Variants in RPS6KA2 observed in about 807,000 individuals in gnomAD.
RPS6KA2 encodes ribosomal protein S6 kinase A2, also known as ribosomal protein S6 kinase alpha-2.
A neutral mutation model predicts 91.8 loss-of-function variants in RPS6KA2; 42 were observed. That is an observed-to-expected ratio of 0.46 (90% CI 0.36 to 0.59). The LOEUF (loss-of-function observed/expected upper bound fraction) is 0.59, where lower values mean the gene tolerates loss of function less well. RPS6KA2 is among the 20% of genes least tolerant of loss of function. The probability of loss-of-function intolerance (pLI) is 0.00; values close to 1 mark genes in which losing one functional copy is unlikely to be tolerated. For synonymous variants in RPS6KA2, 414 were observed against 393.6 expected, an observed-to-expected ratio of 1.05 and a Z score of -0.61; for missense variants, 798 against 978.5, an observed-to-expected ratio of 0.82 and a Z score of 2.46.
intron 1 of RPS6KA2, among the ~76,000 whole-genome samples, chr6:166,591,102 T>A (rs1363196144): frequency 6.6e-6 from 1 of 152,184 alleles, no homozygotes; most frequent in African/African-American, 2.4e-5. Flanking sequence ...TCACTGAGCA[T>A]CAGGTACAAA....
At chr6:166,695,149 C>T (rs925032365) in intron 2 of RPS6KA2, among the ~76,000 whole-genome samples, 1 of 152,052 alleles carries the variant, frequency 6.6e-6, no homozygotes, top group African/African-American at 2.4e-5. Flanking sequence ...AGTTGCTATG[C>T]GAATGGACTC....
chr6:166,799,674 C>T (rs980823325), intron 2 of RPS6KA2, among the ~76,000 whole-genome samples: 12 of 151,296 alleles, frequency 7.9e-5, no homozygotes, highest in South Asian at 2.1e-4. Context: ...AAGAGTTGTG[C>T]GAGAGTTTTA....
intron 2 of RPS6KA2, among the ~76,000 whole-genome samples, chr6:166,774,385 T>C (rs370393812): frequency 2.6e-5 from 4 of 152,208 alleles, no homozygotes; most frequent in African/African-American, 7.2e-5. Context: ...TTCTAGAAAA[T>C]TGGACACTTT....
rs113984430 is a variant in RPS6KA2 at position 166,495,136 on chromosome 6, G to A, written c.747+3372C>T. On this transcript the variant is annotated intron_variant, in intron 8 of 20. Coordinates refer to ENST00000265678, the MANE Select transcript of RPS6KA2 (RefSeq NM_021135.6). This position sits in a 1 kb window ranked among gnomAD's most constrained non-coding sequence, Gnocchi z 4.4. Reference sequence around the variant, plus strand: ...GGGACTATTATGTGATCTTGAGCCCGACACTTAGGCTCTTTCAGCTTTAGT... The same window carrying A: ...GGGACTATTATGTGATCTTGAGCCCAACACTTAGGCTCTTTCAGCTTTAGT... 5.9e-5 allele frequency among the ~76,000 whole-genome samples: 9 copies of A among 152,206 alleles called. No homozygotes were observed. The highest frequency in any genetic ancestry group is 3.8e-4 in the East Asian group (2 of 5,196).
At chr6:166,736,506 T>G (rs1042427030) in intron 2 of RPS6KA2, among the ~76,000 whole-genome samples, 1 of 152,220 alleles carries the variant, frequency 6.6e-6, no homozygotes, top group African/African-American at 2.4e-5. Flanking sequence ...TTCCTTTTGA[T>G]TTCTCCAGTA....
At chr6:166,577,811 T>G (rs6928829) in intron 1 of RPS6KA2, among the ~76,000 whole-genome samples, 102,652 of 152,042 alleles carry the variant, frequency 0.68, 37,308 homozygotes, top group East Asian at 0.99. Context: ...TGGAGGGGCC[T>G]GGGCGGAATG....
intron 2 of RPS6KA2, among the ~76,000 whole-genome samples, chr6:166,832,693 T>C (rs1258764309): frequency 1.3e-5 from 2 of 152,214 alleles, no homozygotes; most frequent in Non-Finnish European, 2.9e-5. Context: ...AATTGACAGA[T>C]TTATTACTAA....
At chr6:166,790,197 C>G (rs1024019480) in intron 2 of RPS6KA2, among the ~76,000 whole-genome samples, 1 of 152,014 alleles carries the variant, frequency 6.6e-6, no homozygotes, top group African/African-American at 2.4e-5. Flanking sequence ...AGTCAAGGGT[C>G]GAGAATTACG....
intron 1 of RPS6KA2, among the ~76,000 whole-genome samples, chr6:166,611,424 T>C (rs192705275): frequency 1.3e-5 from 2 of 152,360 alleles, no homozygotes; most frequent in East Asian, 3.9e-4. Flanking sequence ...CGACATGACC[T>C]ATCCTGCTCC....
intron 2 of RPS6KA2, among the ~76,000 whole-genome samples, chr6:166,844,938 A>G (rs1036626541): frequency 8.5e-5 from 13 of 152,200 alleles, no homozygotes; most frequent in African/African-American, 3.1e-4. Flanking sequence ...ACATCTCAAC[A>G]CTAACATTGA....
intron 2 of RPS6KA2, among the ~76,000 whole-genome samples, chr6:166,790,044 T>G (rs1158555769): frequency 6.6e-6 from 1 of 152,110 alleles, no homozygotes; most frequent in Non-Finnish European, 1.5e-5. Context: ...GAAGAAGGCT[T>G]TGGACGATCA....
intron 17 of RPS6KA2, among the ~76,000 whole-genome samples, chr6:166,422,816 A>G (rs1463634161): frequency 6.6e-6 from 1 of 152,120 alleles, no homozygotes; most frequent in East Asian, 1.9e-4. Context: ...CGGGGAACCA[A>G]TCTGGAGTGA....
Position 166,563,320 on chromosome 6 carries a change from C to G in RPS6KA2, c.100-24536G>C, listed in dbSNP as rs549652067. Among the ~76,000 whole-genome samples the G allele has an allele frequency of 6.6e-6, 1 of 152,190 alleles. No homozygotes were observed. Among genetic ancestry groups the G allele is most frequent in the Non-Finnish European group, 1.5e-5 (1 of 68,036 alleles). ...GCACTCGGAGGAGCGGGGGCCAACC[C>G]GGAATCAGCCTCTGTTCCTTCTTTT... On this transcript the variant is annotated intron_variant, in intron 1 of 20. Coordinates refer to ENST00000265678, the MANE Select transcript of RPS6KA2 (RefSeq NM_021135.6). The surrounding 1 kb of genome is among the most constrained non-coding windows in gnomAD (Gnocchi z 4.1).
At chr6:166,862,575 C>A (rs1781074960), upstream of RPS6KA2, 2 of 248,070 alleles carry the variant, frequency 8.1e-6, no homozygotes, top group Non-Finnish European at 8.0e-6. Flanking sequence ...CTCCCCCCTC[C>A]CTTCCCTGGC....
chr6:166,420,624 T>C (rs60715584), intron 17 of RPS6KA2, among the ~76,000 whole-genome samples: 2,247 of 152,332 alleles, frequency 0.015, 46 homozygotes, highest in African/African-American at 0.05. Flanking sequence ...ACGTTTTGCT[T>C]ACCCATTCAT....
At chr6:166,830,223 G>A (rs969898406) in intron 2 of RPS6KA2, among the ~76,000 whole-genome samples, 1 of 151,800 alleles carries the variant, frequency 6.6e-6, no homozygotes, top group Non-Finnish European at 1.5e-5. Context: ...AGGACATTAC[G>A]CTAAGTGAAT....
At position 166,410,402 on chromosome 6, in the gene RPS6KA2, T is replaced by C. The variant is rs932413363; in HGVS notation, c.*2360A>G. Reference sequence around the variant, plus strand: ...GTTTTTGAAAGCTTAGTTTAACATATGATACCATAACTTCTTTAGGCTGAC... The same window carrying C: ...GTTTTTGAAAGCTTAGTTTAACATACGATACCATAACTTCTTTAGGCTGAC... On this transcript the variant is annotated 3_prime_UTR_variant, in exon 21 of 21. Transcript: ENST00000265678. 6.6e-6 allele frequency: 1 copy of C among 152,604 alleles called. No individual in the cohort carries two copies. The highest frequency in any genetic ancestry group is 2.4e-5 in the African/African-American group (1 of 41,458). The allele number at this position is 152,604 out of a possible 1,614,324, so 9.5% of individuals were successfully genotyped here. A position where few individuals can be genotyped will look rare whatever the true frequency, so the allele number is the denominator to read the frequency against.
rs183856243 is a variant in RPS6KA2 at position 166,421,645 on chromosome 6, C to T, written c.1743+1611G>A. On this transcript the variant is annotated intron_variant, in intron 17 of 20. Transcript: ENST00000265678. Reference sequence around the variant, plus strand: ...ATTCTCTGTTCTTTGTTGCAGATACCATGTAGGCTGGATTCAAAGCCACCT... The same window carrying T: ...ATTCTCTGTTCTTTGTTGCAGATACTATGTAGGCTGGATTCAAAGCCACCT... Among the ~76,000 whole-genome samples, 10 of 152,234 alleles carry T rather than the reference C, an allele frequency of 6.6e-5. No homozygotes were observed. In the East Asian group the frequency reaches 1.9e-3, roughly 29 times the overall value.
intron 19 of RPS6KA2, among the ~76,000 whole-genome samples, chr6:166,415,038 G>C (rs1025451691): frequency 1.3e-5 from 2 of 152,240 alleles, no homozygotes; most frequent in African/African-American, 2.4e-5. Context: ...GCACTCCAGA[G>C]TGGGTTACAT....
Sources: gnomAD v4.1 joint callset for allele counts (sites outside exome capture counted in the v4.1 genomes callset) on GRCh38, gnomAD v4.1.1 for gene constraint, Gnocchi (gnomAD v3.1) non-coding constraint, MANE v1.5 for transcripts, NCBI Gene and HGNC (gene_info 2026-07-23, HGNC 2026-07-21) for gene names.